Variants in NUDCD3 observed in about 807,000 individuals in gnomAD.
NUDCD3 encodes the protein nudC domain-containing protein 3.
Under a neutral mutation model 39.7 loss-of-function variants are expected in NUDCD3, and 13 were observed. That is an observed-to-expected ratio of 0.33 (90% confidence interval 0.21 to 0.52). The LOEUF is 0.52. NUDCD3 is among the 20% of genes least tolerant of loss of function. The probability of loss-of-function intolerance (pLI) is 0.96; values close to 1 mark genes in which losing one functional copy is unlikely to be tolerated. For synonymous variants in NUDCD3, 175 were observed against 172.4 expected, an observed-to-expected ratio of 1.02 and a Z score of -0.12; for missense variants, 453 against 458.1, an observed-to-expected ratio of 0.99 and a Z score of 0.10.
chr7:44,380,926 G>A lies in NUDCD3; in HGVS notation c.*5085C>T, dbSNP rs764742427. 6.6e-6 allele frequency: 1 copy of A among 152,332 alleles called. No individual in the cohort carries two copies. The highest frequency in any genetic ancestry group is 6.5e-5 in the Admixed American group (1 of 15,294). The allele number at this position is 152,332 out of a possible 1,614,324, so 9.4% of individuals were successfully genotyped here. A position where few individuals can be genotyped will look rare whatever the true frequency, so the allele number is the denominator to read the frequency against. ...GCACAAAGTGCACACTGGGAGGCAA[G>A]AGCCTGTCTCTGCAGTAAGAAGGGC... On this transcript the variant is annotated 3_prime_UTR_variant, in exon 6 of 6. Coordinates refer to ENST00000355451, the MANE Select transcript of NUDCD3 (RefSeq NM_015332.4).
At chr7:44,471,147 C>T (rs564946733) in intron 2 of NUDCD3, among the ~76,000 whole-genome samples, 53 of 152,332 alleles carry the variant, frequency 3.5e-4, no homozygotes, top group Non-Finnish European at 6.3e-4. Context: ...TCACAGAGTG[C>T]TGGTTCCAAG....
At chr7:44,452,790 A>G (rs183820040) in intron 2 of NUDCD3, among the ~76,000 whole-genome samples, 1 of 152,346 alleles carries the variant, frequency 6.6e-6, no homozygotes, top group East Asian at 1.9e-4. Context: ...CTGTGACTCA[A>G]TTAAGACAGA....
chr7:44,471,582 A>G (rs1365562454), intron 2 of NUDCD3, among the ~76,000 whole-genome samples: 1 of 152,194 alleles, frequency 6.6e-6, no homozygotes, highest in Admixed American at 6.5e-5. Flanking sequence ...TTGCACAGGA[A>G]AGGCACATAG....
chr7:44,435,606 A>G (rs750957237), intron 2 of NUDCD3, among the ~76,000 whole-genome samples: 1 of 152,218 alleles, frequency 6.6e-6, no homozygotes, highest in African/African-American at 2.4e-5. Flanking sequence ...ATGCCCCTAA[A>G]TAAGAATTCC....
chr7:44,452,202 G>T (rs1205567453), intron 2 of NUDCD3, among the ~76,000 whole-genome samples: 22 of 152,222 alleles, frequency 1.4e-4, no homozygotes, highest in Admixed American at 1.4e-3. Context: ...CAGCACTTTG[G>T]GAGGCCAAGG....
chr7:44,427,774 C>T, intron 2 of NUDCD3, 71 bp from the exon 3 acceptor site: 4 of 1,524,764 alleles, frequency 2.6e-6, no homozygotes, highest in Non-Finnish European at 2.7e-6. Flanking sequence ...CAGCCTAGCC[C>T]ATGCCACTCC....
At chr7:44,486,611 A>T (rs972566289) in intron 1 of NUDCD3, among the ~76,000 whole-genome samples, 6 of 152,134 alleles carry the variant, frequency 3.9e-5, no homozygotes, top group Non-Finnish European at 8.8e-5. Flanking sequence ...TGAAGCCCTG[A>T]CTTCATTCTA....
chr7:44,465,874 G>GA (rs1401853852), intron 2 of NUDCD3, among the ~76,000 whole-genome samples: 2 of 152,206 alleles, frequency 1.3e-5, no homozygotes, highest in African/African-American at 4.8e-5. Context: ...AACTTTTACG[G>GA]AAAAATAGGA....
rs72065068 is a variant in NUDCD3, at chr7:44,440,496, G to GAAAAAAAAAAAAAAAAAAAAAAAAAAAA, written c.510-12794_510-12793insTTTTTTTTTTTTTTTTTTTTTTTTTTTT. 3.5e-4 allele frequency among the ~76,000 whole-genome samples: 17 copies of GAAAAAAAAAAAAAAAAAAAAAAAAAAAA among 48,404 alleles called. 1 individual carries two copies. Among genetic ancestry groups the GAAAAAAAAAAAAAAAAAAAAAAAAAAAA allele is most frequent in the Non-Finnish European group, 4.9e-4 (12 of 24,712 alleles). 31.8% of individuals were successfully genotyped at this position (48,404 alleles called of 152,430 possible). On this transcript the variant is annotated intron_variant, in intron 2 of 5. Coordinates refer to ENST00000355451, the MANE Select transcript of NUDCD3 (RefSeq NM_015332.4). ...AACTAGTGAGAAAACCAGAAAAATT[G>GAAAAAAAAAAAAAAAAAAAAAAAAAAAA]AAAAAAAAAAAAAAAAAAAAGCCTG...
intron 2 of NUDCD3, among the ~76,000 whole-genome samples, chr7:44,446,412 T>C (rs562900006): frequency 6.6e-6 from 1 of 152,344 alleles, no homozygotes; most frequent in South Asian, 2.1e-4. Flanking sequence ...CCGTTCTCAT[T>C]AGTTACAAGC....
chr7:44,435,506 CCAGGG>C (rs1799448311), intron 2 of NUDCD3, among the ~76,000 whole-genome samples: 1 of 152,160 alleles, frequency 6.6e-6, no homozygotes, highest in Non-Finnish European at 1.5e-5. Flanking sequence ...AACGAAATCT[CCAGGG>C]GTCACCTTTG....
intron 2 of NUDCD3, among the ~76,000 whole-genome samples, chr7:44,463,884 C>T: frequency 6.6e-6 from 1 of 151,788 alleles, no homozygotes; most frequent in African/African-American, 2.4e-5. Flanking sequence ...GAATTTAGTA[C>T]TTCTACAACT....
chr7:44,439,880 A>G (rs1799542235), intron 2 of NUDCD3, among the ~76,000 whole-genome samples: 1 of 148,904 alleles, frequency 6.7e-6, no homozygotes, highest in South Asian at 2.1e-4. Context: ...GCCAAGAGCC[A>G]CTGATGATGC....
In NUDCD3 at chr7:44,379,160, T is replaced by C. The variant is rs1798267934; in HGVS notation, c.*6851A>G. 3 of 151,626 alleles carry C rather than the reference T, an allele frequency of 2.0e-5. No individual in the cohort carries two copies. The highest frequency in any genetic ancestry group is 2.0e-4 in the Admixed American group (3 of 15,228). 9.4% of individuals were successfully genotyped at this position (151,626 alleles called of 1,614,324 possible). A position where few individuals can be genotyped will look rare whatever the true frequency, so the allele number is the denominator to read the frequency against. ...TTACAAATACACGTACAGTGAAAAATGACACCATCAAGCCAGGCACAGTGG... is the reference window on the plus strand; with the variant it reads ...TTACAAATACACGTACAGTGAAAAACGACACCATCAAGCCAGGCACAGTGG... On this transcript the variant is annotated 3_prime_UTR_variant, in exon 6 of 6. Transcript: ENST00000355451.
In NUDCD3 at chr7:44,382,772, G is replaced by A. The variant is rs896589029; in HGVS notation, c.*3239C>T. On this transcript the variant is annotated 3_prime_UTR_variant, in exon 6 of 6. Transcript: ENST00000355451. ...GCTGAGCTGGCTGCCAACAGGCCCAGTGGAGAGCAGATTTGAGGTGGGGGT... is the reference window on the plus strand; with the variant it reads ...GCTGAGCTGGCTGCCAACAGGCCCAATGGAGAGCAGATTTGAGGTGGGGGT... The A allele has an allele frequency of 2.0e-5, 3 of 152,424 alleles. No individual in the cohort carries two copies. The highest frequency in any genetic ancestry group is 2.0e-4 in the Admixed American group (3 of 15,290). The allele number at this position is 152,424 out of a possible 1,614,324, so 9.4% of individuals were successfully genotyped here.
In NUDCD3 at chr7:44,379,245, AG is replaced by A. The variant is rs1798268773; in HGVS notation, c.*6765del. The A allele has an allele frequency of 6.6e-6, 1 of 151,702 alleles. No homozygotes were observed. Among genetic ancestry groups the A allele is most frequent in the Admixed American group, 6.6e-5 (1 of 15,198 alleles). 9.4% of individuals were successfully genotyped at this position (151,702 alleles called of 1,614,324 possible). A position where few individuals can be genotyped will look rare whatever the true frequency, so the allele number is the denominator to read the frequency against. On this transcript the variant is annotated 3_prime_UTR_variant, in exon 6 of 6. Transcript: ENST00000355451. ...AAGCAGGAGGATCACTTGAGCCCAGAGGTTTGAGTCCAGTCTGGGCAACACA... is the reference window on the plus strand; with the variant it reads ...AAGCAGGAGGATCACTTGAGCCCAGAGTTTGAGTCCAGTCTGGGCAACACA...
intron 2 of NUDCD3, among the ~76,000 whole-genome samples, chr7:44,469,417 A>C (rs1800206135): frequency 6.6e-6 from 1 of 152,246 alleles, no homozygotes; most frequent in African/African-American, 2.4e-5. Flanking sequence ...GACAAGTATA[A>C]TTCTAAATAA....
intron 4 of NUDCD3, among the ~76,000 whole-genome samples, chr7:44,392,739 G>A (rs368847442): frequency 6.6e-6 from 1 of 152,108 alleles, no homozygotes; most frequent in African/African-American, 2.4e-5. Context: ...CTGACATTCT[G>A]GAAGATGCCT....
At chr7:44,420,513 C>G (rs1199130330) in intron 3 of NUDCD3, among the ~76,000 whole-genome samples, 1 of 152,142 alleles carries the variant, frequency 6.6e-6, no homozygotes, top group African/African-American at 2.4e-5. Context: ...CACGAAGATA[C>G]TCCTTGAGAA....
Sources: allele counts gnomAD v4.1 joint callset (sites outside exome capture counted in the v4.1 genomes callset), GRCh38; gene constraint gnomAD v4.1.1; transcripts MANE v1.5; gene names NCBI Gene and HGNC (gene_info 2026-07-23, HGNC 2026-07-21).